The following QTMAN variants were observed in gnomAD, a reference collection of about 807,000 sequenced individuals.
QTMAN encodes the protein queuosine-tRNA mannosyltransferase.
the QTMAN span, among the ~76,000 whole-genome samples, chr2:143,980,080 A>C: frequency 2.0e-5 from 3 of 152,094 alleles, no homozygotes; most frequent in Non-Finnish European, 2.9e-5. Flanking sequence ...CAGGTTTGTC[A>C]CATAGGTTAA....
the QTMAN span, among the ~76,000 whole-genome samples, chr2:143,953,022 A>G: frequency 1.3e-4 from 20 of 151,966 alleles, no homozygotes; most frequent in Admixed American, 7.2e-4. Context: ...TTTATTGATC[A>G]TATATGAATT....
the QTMAN span, among the ~76,000 whole-genome samples, chr2:144,315,043 C>T: frequency 6.6e-6 from 1 of 151,982 alleles, no homozygotes; most frequent in Non-Finnish European, 1.5e-5. Context: ...GCACCACCAT[C>T]CCCGGCTAAT....
At chr2:144,023,722 C>T in the QTMAN span, among the ~76,000 whole-genome samples, 3 of 152,030 alleles carry the variant, frequency 2.0e-5, no homozygotes, top group Non-Finnish European at 2.9e-5. Context: ...GGGTCATAGC[C>T]ACAAAGATGC....
At chr2:143,996,054 T>C in the QTMAN span, among the ~76,000 whole-genome samples, 7,509 of 152,244 alleles carry the variant, frequency 0.049, 293 homozygotes, top group African/African-American at 0.1. Context: ...GTCTGGATTA[T>C]AATAGCAGCT....
the QTMAN span, among the ~76,000 whole-genome samples, chr2:143,960,999 CTTTA>C: frequency 7.2e-5 from 11 of 152,076 alleles, no homozygotes; most frequent in Non-Finnish European, 4.4e-5. Context: ...TTTGGAATGA[CTTTA>C]TTTTACAGAT....
At chr2:144,145,501 A>C in the QTMAN span, 1 of 1,133,160 alleles carries the variant, frequency 8.8e-7, no homozygotes, top group Non-Finnish European at 1.3e-6. Context: ...AGGTCTCCAG[A>C]TTTAAAACGT....
chr2:144,145,851 G>A, the QTMAN span: 1 of 745,834 alleles, frequency 1.3e-6, no homozygotes, highest in Middle Eastern at 2.6e-4. Flanking sequence ...ATCCCCTATA[G>A]GGACACATCA....
At chr2:143,956,901 T>C in the QTMAN span, among the ~76,000 whole-genome samples, 3 of 152,144 alleles carry the variant, frequency 2.0e-5, no homozygotes, top group Non-Finnish European at 4.4e-5. Context: ...CTAATAAAAA[T>C]TATGAATTCA....
chr2:144,151,963 A>G, the QTMAN span, among the ~76,000 whole-genome samples: 1 of 152,198 alleles, frequency 6.6e-6, no homozygotes, highest in Non-Finnish European at 1.5e-5. Context: ...CTTTGCTGAA[A>G]CAATTAAAAA....
At chr2:143,966,186 T>G in the QTMAN span, among the ~76,000 whole-genome samples, 2 of 152,342 alleles carry the variant, frequency 1.3e-5, no homozygotes, top group African/African-American at 2.4e-5. Flanking sequence ...GTAGACTGAT[T>G]GGGTGGTTTC....
chr2:144,247,109 G>A, the QTMAN span, among the ~76,000 whole-genome samples: 2 of 152,128 alleles, frequency 1.3e-5, no homozygotes, highest in African/African-American at 2.4e-5. Context: ...AACACTATGA[G>A]ATCCAAGAAA....
the QTMAN span, among the ~76,000 whole-genome samples, chr2:144,170,702 C>A: frequency 6.6e-6 from 1 of 151,968 alleles, no homozygotes; most frequent in East Asian, 1.9e-4. Flanking sequence ...GTGTTTGATG[C>A]CTCTCTGCTT....
At chr2:144,173,403 T>C in the QTMAN span, among the ~76,000 whole-genome samples, 1 of 152,236 alleles carries the variant, frequency 6.6e-6, no homozygotes, top group Non-Finnish European at 1.5e-5. Flanking sequence ...CTCCCTTTGC[T>C]GGCTTTGAGG....
the QTMAN span, among the ~76,000 whole-genome samples, chr2:143,947,489 A>G: frequency 6.6e-6 from 1 of 152,180 alleles, no homozygotes; most frequent in Non-Finnish European, 1.5e-5. Flanking sequence ...GACACGTAAC[A>G]CTGTACATAC....
At chr2:144,251,900 T>A in the QTMAN span, among the ~76,000 whole-genome samples, 2 of 152,084 alleles carry the variant, frequency 1.3e-5, no homozygotes, top group Non-Finnish European at 2.9e-5. Context: ...AAACAAGCAA[T>A]TAAAAATGGG....
the QTMAN span, among the ~76,000 whole-genome samples, chr2:144,232,453 T>A: frequency 1.3e-5 from 2 of 152,218 alleles, no homozygotes; most frequent in Non-Finnish European, 2.9e-5. Flanking sequence ...TAAAAATGTT[T>A]CACATTAATA....
the QTMAN span, among the ~76,000 whole-genome samples, chr2:144,142,878 T>A: frequency 6.6e-6 from 1 of 151,994 alleles, no homozygotes; most frequent in African/African-American, 2.4e-5. Context: ...TAAGATTTTT[T>A]AAATTTCACA....
At chr2:144,308,912 A>C in the QTMAN span, among the ~76,000 whole-genome samples, 62 of 152,378 alleles carry the variant, frequency 4.1e-4, no homozygotes, top group African/African-American at 1.4e-3. Context: ...ATAAAGAACT[A>C]TTGTAACTGA....
At chr2:144,017,728 T>C in the QTMAN span, among the ~76,000 whole-genome samples, 149 of 152,336 alleles carry the variant, frequency 9.8e-4, no homozygotes, top group Non-Finnish European at 1.5e-4. Context: ...CTGGCCATTA[T>C]TTTTTATATT....
Sources: allele counts gnomAD v4.1 joint callset (sites outside exome capture counted in the v4.1 genomes callset), GRCh38; gene constraint gnomAD v4.1.1; transcripts MANE v1.5; gene names NCBI Gene and HGNC (gene_info 2026-07-23, HGNC 2026-07-21).